Variants in CASP9 observed in about 807,000 individuals in gnomAD.
CASP9 encodes the protein caspase-9.
A neutral mutation model predicts 43.5 loss-of-function variants in CASP9; 29 were observed. That is an observed-to-expected ratio of 0.67 (90% confidence interval 0.50 to 0.91). The LOEUF is 0.91. Among genes scored for constraint, CASP9 ranks in the 40% least tolerant of loss-of-function variants. CASP9 has a pLI of 0.00. For synonymous variants in CASP9, 206 were observed against 211.9 expected (o/e 0.97, Z 0.24); for missense variants, 575 against 537.4 (o/e 1.07, Z -0.69).
intron 8 of CASP9, 158 bp downstream of exon 8, chr1:15,493,734 A>C (rs1418649539): frequency 2.0e-6 from 3 of 1,513,644 alleles, no homozygotes; most frequent in Non-Finnish European, 2.6e-6. Context: ...TCTCATAAAG[A>C]GACACAAAAG....
chr1:15,521,907 A>T (rs1034900225), intron 1 of CASP9, among the ~76,000 whole-genome samples: 1 of 152,146 alleles, frequency 6.6e-6, no homozygotes, highest in Admixed American at 6.6e-5. Context: ...AATTACTTCA[A>T]ATTTACCTTT....
intron 6 of CASP9, among the ~76,000 whole-genome samples, chr1:15,499,458 T>C (rs1709239809): frequency 6.6e-6 from 1 of 152,182 alleles, no homozygotes; most frequent in Admixed American, 6.5e-5. Flanking sequence ...GCAAATCCTT[T>C]TCTAGAATCA....
At chr1:15,507,251 A>AC (rs1206141747) in intron 3 of CASP9, 176 bp from the exon 4 acceptor site, 20 of 621,468 alleles carry the variant, frequency 3.2e-5, no homozygotes, top group Middle Eastern at 4.3e-4. Flanking sequence ...CTAGAAGGTG[A>AC]CCCCCCCATC....
rs528782422 is a variant in CASP9, at chr1:15,493,138, A to T, written c.1159-103T>A. The T allele has an allele frequency of 3.7e-5, 58 of 1,551,440 alleles. No homozygotes were observed. The African/African-American group carries it at 7.4e-4, about 20-fold the overall frequency. On this transcript the variant is annotated intron_variant, in intron 8 of 8. Coordinates refer to ENST00000333868, the MANE Select transcript of CASP9 (RefSeq NM_001229.5). Reference sequence around the variant, plus strand: ...AATGTCCACTCAACCCGCACCTTAAAAACAGCTCAAACTGCAGCCTCTTTG... The same window carrying T: ...AATGTCCACTCAACCCGCACCTTAATAACAGCTCAAACTGCAGCCTCTTTG...
chr1:15,503,763 T>A (rs1020096514), intron 6 of CASP9, among the ~76,000 whole-genome samples: 3 of 152,164 alleles, frequency 2.0e-5, no homozygotes, highest in Non-Finnish European at 2.9e-5. Context: ...CTCTGGCAGA[T>A]CAGGCTGGAG....
At chr1:15,524,032 G>A in intron 1 of CASP9, 37 bp downstream of exon 1, 1 of 1,419,808 alleles carries the variant, frequency 7.0e-7, no homozygotes, top group Non-Finnish European at 9.3e-7. Flanking sequence ...GTGGGGACCC[G>A]GCCGTGCAGC....
chr1:15,523,429 T>C (rs971749811), intron 1 of CASP9, among the ~76,000 whole-genome samples: 24 of 152,204 alleles, frequency 1.6e-4, no homozygotes. Flanking sequence ...CCGAAACCTC[T>C]ATGCTAGAAA....
In CASP9 at chr1:15,507,001, C is replaced by G. The variant is rs1346477970; in HGVS notation, c.528G>C (p.Gly176=). 4.3e-6 allele frequency: 7 copies of G among 1,614,096 alleles called. No individual in the cohort carries two copies. The African/African-American group carries it at 6.7e-5, about 15-fold the overall frequency. The change falls in exon 4 of 9, where the codon GGG becomes GGC. Residue 176 remains glycine (G), a synonymous_variant. Transcript: ENST00000333868. The stretch of plus-strand genomic sequence containing the variant: ...TGTTGGAGCCAGTGCGGGTGCGGAG[C>G]CCGGACTCACGGCAGAAGTTCACAT... ...INNVNFCRES[G]LRTRTGSNID...
At chr1:15,523,116 G>C (rs1340327406) in intron 1 of CASP9, among the ~76,000 whole-genome samples, 1 of 152,190 alleles carries the variant, frequency 6.6e-6, no homozygotes, top group Non-Finnish European at 1.5e-5. Flanking sequence ...AGATGGGAAA[G>C]TGCTTTTAAA....
At chr1:15,517,128 T>C (rs1445193231) in intron 2 of CASP9, among the ~76,000 whole-genome samples, 4 of 152,130 alleles carry the variant, frequency 2.6e-5, no homozygotes, top group Non-Finnish European at 5.9e-5. Flanking sequence ...CAGGAAGTGC[T>C]AGAGCTCCAC....
In CASP9 at chr1:15,506,129, C is replaced by G. The variant is rs780577041; in HGVS notation, c.631-50G>C. On this transcript the variant is annotated intron_variant, in intron 4 of 8. Coordinates refer to ENST00000333868, the MANE Select transcript of CASP9 (RefSeq NM_001229.5). ...CCAGAAGCACGGATAGGTCTAGATG[C>G]AGACTGGACCGTTCCTAACAATAAA... is the stretch of plus-strand genomic sequence containing the variant. 3 of 1,215,054 alleles carry G rather than the reference C, an allele frequency of 2.5e-6. No homozygotes were observed. The South Asian group carries it at 3.6e-5, about 15-fold the overall frequency. 75.3% of individuals were successfully genotyped at this position (1,215,054 alleles called of 1,614,324 possible). A position where few individuals can be genotyped will look rare whatever the true frequency, so the allele number is the denominator to read the frequency against.
At chr1:15,500,897 G>C (rs1025915414) in intron 6 of CASP9, among the ~76,000 whole-genome samples, 2 of 151,608 alleles carry the variant, frequency 1.3e-5, no homozygotes, top group East Asian at 3.9e-4. Flanking sequence ...GTGGGGGAAA[G>C]GAAAGAGGGG....
At chr1:15,511,978 G>A (rs910550886) in intron 2 of CASP9, among the ~76,000 whole-genome samples, 3 of 152,196 alleles carry the variant, frequency 2.0e-5, no homozygotes, top group African/African-American at 7.2e-5. Context: ...GAGGCCCCAT[G>A]TGAAGTCCCT....
intron 1 of CASP9, 56 bp from the exon 2 acceptor site, chr1:15,518,451 A>C: frequency 6.5e-7 from 1 of 1,543,684 alleles, no homozygotes; most frequent in Non-Finnish European, 8.8e-7. Flanking sequence ...TATGGCTCTC[A>C]CCTTGTCTCC....
At chr1:15,509,994 G>A (rs956601836) in intron 2 of CASP9, among the ~76,000 whole-genome samples, 5 of 152,018 alleles carry the variant, frequency 3.3e-5, no homozygotes, top group African/African-American at 4.8e-5. Context: ...GCAGTGGCGC[G>A]ATCTTGCCTC....
chr1:15,524,089 G>T lies in CASP9; in HGVS notation c.112C>A (p.His38Asn). Residue 38 changes from histidine (H) to asparagine (N), a missense_variant, in exon 1 of 9, where the codon CAT becomes AAT. By Grantham distance (68) the His-to-Asn change is moderately conservative. Coordinates refer to ENST00000333868, the MANE Select transcript of CASP9 (RefSeq NM_001229.5). ...ALLSRELFRPHMIEDIQRAGS... is the reference protein window; with the variant it reads ...ALLSRELFRPNMIEDIQRAGS... ...CGCACCTGGATGTCCTCGATCATAT[G>T]GGGCCTGAACAGCTCGCGGCTCAGC... 1.3e-6 allele frequency: 2 copies of T among 1,529,106 alleles called. No individual in the cohort carries two copies. Among genetic ancestry groups the T allele is most frequent in the Non-Finnish European group, 1.8e-6 (2 of 1,142,662 alleles). The allele number at this position is 1,529,106 out of a possible 1,614,324, so 94.7% of individuals were successfully genotyped here.
At chr1:15,517,845 T>A (rs952739596) in intron 2 of CASP9, among the ~76,000 whole-genome samples, 1 of 150,888 alleles carries the variant, frequency 6.6e-6, no homozygotes, top group Non-Finnish European at 1.5e-5. Context: ...ACCTGGGGCC[T>A]GCTATCTCAA....
At position 15,491,445 on chromosome 1, in the gene CASP9, C is replaced by T. The variant is rs1708893077; in HGVS notation, c.*1498G>A. 2 of 1,296,878 alleles carry T rather than the reference C, an allele frequency of 1.5e-6. No individual in the cohort carries two copies. Among genetic ancestry groups the T allele is most frequent in the South Asian group, 2.6e-5 (2 of 78,242 alleles). The allele number at this position is 1,296,878 out of a possible 1,614,324, so 80.3% of individuals were successfully genotyped here. A position where few individuals can be genotyped will look rare whatever the true frequency, so the allele number is the denominator to read the frequency against. On this transcript the variant is annotated 3_prime_UTR_variant, in exon 9 of 9. Transcript: ENST00000333868. Reference sequence around the variant, plus strand: ...ATTATTATTAATTCAGAAATCCATCCTAACATCCAGGGCCCTAAGAACCAG... The same window carrying T: ...ATTATTATTAATTCAGAAATCCATCTTAACATCCAGGGCCCTAAGAACCAG...
At chr1:15,511,370 G>A (rs1211291387) in intron 2 of CASP9, among the ~76,000 whole-genome samples, 2 of 151,508 alleles carry the variant, frequency 1.3e-5, no homozygotes, top group African/African-American at 2.4e-5. Context: ...TCCCTCCTAA[G>A]CCATCCAAGT....
Sources: allele counts gnomAD v4.1 joint callset (sites outside exome capture counted in the v4.1 genomes callset), GRCh38; gene constraint gnomAD v4.1.1; transcripts MANE v1.5; gene names NCBI Gene and HGNC (gene_info 2026-07-23, HGNC 2026-07-21).